MCC: variants seen among roughly 807,000 people sequenced by gnomAD.
MCC encodes MCC regulator of Wnt signaling pathway.
A neutral mutation model predicts 116.2 loss-of-function variants in MCC; 90 were observed. The observed-to-expected ratio is 0.77, with a 90% confidence interval of 0.65 to 0.92. The LOEUF is 0.92. MCC is among the 40% of genes least tolerant of loss of function. MCC has a pLI of 0.00. For missense variants in MCC, 1,516 were observed against 1,312.2 expected (o/e 1.16, Z -2.40); for synonymous variants, 578 against 510.5 (o/e 1.13, Z -1.78).
chr5:113,132,371 TGTATATATATACATAC>T lies in MCC; in HGVS notation c.885-9561_885-9546del, dbSNP rs1418009790. Among the ~76,000 whole-genome samples the T allele has an allele frequency of 7.8e-4, 96 of 122,914 alleles. 2 individuals carry two copies. Among genetic ancestry groups the T allele is most frequent in the African/African-American group, 3.4e-3 (91 of 26,810 alleles). The allele number at this position is 122,914 out of a possible 152,430, so 80.6% of individuals were successfully genotyped here. ...AGAAAAGTGCATATGTGTGTGTGTGTGTATATATATACATACATATATATATACATACATACATATA... is the reference window on the plus strand; with the variant it reads ...AGAAAAGTGCATATGTGTGTGTGTGTATATATATATACATACATACATATA... On this transcript the variant is annotated intron_variant, in intron 5 of 18. Transcript: ENST00000408903.
intron 1 of MCC, among the ~76,000 whole-genome samples, chr5:113,446,987 G>A (rs1771239148): frequency 6.6e-6 from 1 of 152,108 alleles, no homozygotes; most frequent in African/African-American, 2.4e-5. Flanking sequence ...ATCATTTCTA[G>A]TAACTGGTCC....
At chr5:113,118,267 A>C (rs1376539823) in intron 6 of MCC, among the ~76,000 whole-genome samples, 1 of 152,178 alleles carries the variant, frequency 6.6e-6, no homozygotes, top group African/African-American at 2.4e-5. Flanking sequence ...AGGACATAAA[A>C]ATTCTAAGCA....
At chr5:113,364,238 G>GAAAAAAAAAAAAA (rs60976854) in intron 2 of MCC, among the ~76,000 whole-genome samples, 1 of 49,422 alleles carries the variant, frequency 2.0e-5, no homozygotes, top group African/African-American at 7.5e-5. Flanking sequence ...CTCAAAAACA[G>GAAAAAAAAAAAAA]AAAAAAAAAA....
intron 3 of MCC, among the ~76,000 whole-genome samples, chr5:113,214,372 C>A (rs1763235338): frequency 6.6e-6 from 1 of 152,252 alleles, no homozygotes. Context: ...TTTAATCAAA[C>A]TCCATGAACT....
At chr5:113,152,467 C>T (rs979642655) in intron 3 of MCC, among the ~76,000 whole-genome samples, 1 of 152,302 alleles carries the variant, frequency 6.6e-6, no homozygotes, top group African/African-American at 2.4e-5. Context: ...TAGAACAAAC[C>T]AACCCCTGGC....
rs1186412878 is a variant in MCC, at chr5:113,220,074, T to TTTTTTTTTC, written c.628-68653_628-68652insGAAAAAAAA. ...GTCAATTTCTTTTTCTTTTTTTTTT[T>TTTTTTTTTC]TGAGACGGAGTCTTGCTCTGTCACC... On this transcript the variant is annotated intron_variant, in intron 3 of 18. Coordinates refer to ENST00000408903, the MANE Select transcript of MCC (RefSeq NM_001085377.2). Among the ~76,000 whole-genome samples the TTTTTTTTTC allele has an allele frequency of 2.8e-5, 2 of 71,924 alleles. 1 individual carries two copies. Among genetic ancestry groups the TTTTTTTTTC allele is most frequent in the Non-Finnish European group, 1.2e-4 (2 of 17,144 alleles). The allele number at this position is 71,924 out of a possible 152,430, so 47.2% of individuals were successfully genotyped here. A position where few individuals can be genotyped will look rare whatever the true frequency, so the allele number is the denominator to read the frequency against.
At chr5:113,185,650 T>C (rs1348431) in intron 3 of MCC, among the ~76,000 whole-genome samples, 112,465 of 152,130 alleles carry the variant, frequency 0.74, 42,356 homozygotes, top group East Asian at 0.89. Flanking sequence ...TCTAGGAGCA[T>C]TGAGAGGAAC....
rs115008780 is a variant in MCC at position 113,242,689 on chromosome 5, G to T, written c.628-91267C>A. Among the ~76,000 whole-genome samples, 9 of 152,164 alleles carry T rather than the reference G, an allele frequency of 5.9e-5. No individual in the cohort carries two copies. The South Asian group carries it at 1.9e-3, about 32-fold the overall frequency. ...GCACTTCAAGAGGGTTATGAACAAGGAACATGACCACACGGGGGTAACCAG... is the reference window on the plus strand; with the variant it reads ...GCACTTCAAGAGGGTTATGAACAAGTAACATGACCACACGGGGGTAACCAG... On this transcript the variant is annotated intron_variant, in intron 3 of 18. Transcript: ENST00000408903.
At chr5:113,267,479 G>A (rs1232937211) in intron 3 of MCC, among the ~76,000 whole-genome samples, 3 of 152,154 alleles carry the variant, frequency 2.0e-5, no homozygotes, top group African/African-American at 7.2e-5. Flanking sequence ...AAAGAGGGCA[G>A]CACTATCATT....
intron 3 of MCC, among the ~76,000 whole-genome samples, chr5:113,187,967 T>C (rs1761983014): frequency 6.6e-6 from 1 of 151,970 alleles, no homozygotes; most frequent in African/African-American, 2.4e-5. Flanking sequence ...CATCAACAAA[T>C]CTGGTATGTG....
At chr5:113,186,244 C>T (rs542046800) in intron 3 of MCC, among the ~76,000 whole-genome samples, 5 of 152,248 alleles carry the variant, frequency 3.3e-5, no homozygotes, top group East Asian at 1.9e-4. Context: ...AAATCCAGAG[C>T]GTGGGTGGCA....
chr5:113,347,660 C>T (rs10035686), intron 2 of MCC, among the ~76,000 whole-genome samples: 64,829 of 151,750 alleles, frequency 0.43, 15,180 homozygotes, highest in African/African-American at 0.62. Flanking sequence ...GGAAGAAAAA[C>T]AGGAAGAGAA....
chr5:113,314,419 T>A (rs574053598), intron 3 of MCC, among the ~76,000 whole-genome samples: 1 of 152,212 alleles, frequency 6.6e-6, no homozygotes, highest in Non-Finnish European at 1.5e-5. Flanking sequence ...GAAAAGGGCA[T>A]GTAAATGCTG....
intron 3 of MCC, among the ~76,000 whole-genome samples, chr5:113,306,124 G>T (rs1375347446): frequency 2.0e-5 from 3 of 152,122 alleles, no homozygotes; most frequent in East Asian, 1.9e-4. Context: ...CATTATATGG[G>T]TTTACCATAT....
At position 113,106,393 on chromosome 5, in the gene MCC, A is replaced by G. The variant is rs564988652; in HGVS notation, c.1028-2038T>C. ...CCCTCATTCACTATGCCCCATTCAC[A>G]CTCCTTCCCCTCATTCACTATGCTC... On this transcript the variant is annotated intron_variant, in intron 6 of 18. Coordinates refer to ENST00000408903, the MANE Select transcript of MCC (RefSeq NM_001085377.2). 1.5e-4 allele frequency among the ~76,000 whole-genome samples: 22 copies of G among 142,002 alleles called. 1 individual carries two copies. In the South Asian group the frequency reaches 5.0e-3, roughly 32 times the overall value. The allele number at this position is 142,002 out of a possible 152,430, so 93.2% of individuals were successfully genotyped here.
rs757628854 is a variant in MCC, at chr5:113,028,943, C to A, written c.2870G>T (p.Arg957Leu). The A allele has an allele frequency of 1.2e-6, 2 of 1,612,852 alleles. No individual in the cohort carries two copies. The highest frequency in any genetic ancestry group is 2.2e-5 in the South Asian group (2 of 90,868). The change falls in exon 18 of 19, where the codon CGG becomes CTG. Residue 957 changes from arginine (R) to leucine (L), a missense_variant. Coordinates refer to ENST00000408903, the MANE Select transcript of MCC (RefSeq NM_001085377.2). ...ATAGGGAGATTTTTACCTGTTGGCC[C>A]GCTTTAGATCATTCACGAACTCTGC... Reference protein sequence around the residue: ...QSAEFVNDLKRANSNLVAAYE... With the variant: ...QSAEFVNDLKLANSNLVAAYE...
At chr5:113,274,472 GC>G (rs1252649067) in intron 3 of MCC, among the ~76,000 whole-genome samples, 1 of 152,186 alleles carries the variant, frequency 6.6e-6, no homozygotes, top group Non-Finnish European at 1.5e-5. Flanking sequence ...TGATTCTCCT[GC>G]CACAGCCTCC....
chr5:113,477,020 T>C (rs1772250910), intron 1 of MCC, among the ~76,000 whole-genome samples: 1 of 152,222 alleles, frequency 6.6e-6, no homozygotes, highest in South Asian at 2.1e-4. Flanking sequence ...TCCTACTAAC[T>C]GTGGAATCTT....
chr5:113,424,858 C>G (rs1770441549), intron 1 of MCC, among the ~76,000 whole-genome samples: 1 of 150,680 alleles, frequency 6.6e-6, no homozygotes. Context: ...GAAAATAGAA[C>G]AGCAATGCTA....
Sources: allele counts gnomAD v4.1 joint callset (sites outside exome capture counted in the v4.1 genomes callset), GRCh38; gene constraint gnomAD v4.1.1; transcripts MANE v1.5; gene names NCBI Gene and HGNC (gene_info 2026-07-23, HGNC 2026-07-21).